PCDH15: variants seen among roughly 807,000 people sequenced by gnomAD.
The protein encoded by PCDH15 is protocadherin related 15, also known as protocadherin-15.
Under a neutral mutation model 178.5 loss-of-function variants are expected in PCDH15, and 129 were observed. The ratio of observed to expected loss-of-function variants is 0.72; its 90% CI spans 0.63 to 0.84. PCDH15 has a LOEUF of 0.84. Ranked by LOEUF, PCDH15 falls within the 40% of genes least tolerant of loss-of-function variation. PCDH15 has a pLI of 0.00. For missense variants in PCDH15, 2,230 were observed against 2,099.9 expected, an observed-to-expected ratio of 1.06 and a Z score of -1.21; for synonymous variants, 800 against 732.0, an observed-to-expected ratio of 1.09 and a Z score of -1.50.
At chr10:54,320,072 C>T (rs1015693642) in intron 7 of PCDH15, among the ~76,000 whole-genome samples, 35 of 152,006 alleles carry the variant, frequency 2.3e-4, no homozygotes, top group African/African-American at 8.0e-4. Context: ...GGAACTCACT[C>T]AGATCCCTAG....
chr10:54,960,077 A>G (rs1838603324), intron 2 of PCDH15, among the ~76,000 whole-genome samples: 5 of 152,084 alleles, frequency 3.3e-5, no homozygotes, highest in Admixed American at 3.3e-4. Context: ...TTCTTCTTTT[A>G]TTCTACTTCA....
At chr10:55,269,455 A>G (rs1490986706) in intron 1 of PCDH15, among the ~76,000 whole-genome samples, 1 of 152,156 alleles carries the variant, frequency 6.6e-6, no homozygotes, top group Non-Finnish European at 1.5e-5. Context: ...AAAGCAACAT[A>G]CAAAAATCTG....
intron 26 of PCDH15, among the ~76,000 whole-genome samples, chr10:53,893,470 C>A (rs922102235): frequency 6.6e-6 from 1 of 152,110 alleles, no homozygotes; most frequent in Non-Finnish European, 1.5e-5. Context: ...TTTAAGAAGT[C>A]ATTATATGAA....
At chr10:54,299,717 T>C (rs1218533433) in intron 8 of PCDH15, among the ~76,000 whole-genome samples, 2 of 152,084 alleles carry the variant, frequency 1.3e-5, no homozygotes, top group Non-Finnish European at 2.9e-5. Context: ...AAAGACACAA[T>C]GGGTGTTCAG....
At chr10:55,523,990 C>T (rs1160162494) in intron 2 of PCDH15, among the ~76,000 whole-genome samples, 1 of 151,474 alleles carries the variant, frequency 6.6e-6, no homozygotes, top group Non-Finnish European at 1.5e-5. Flanking sequence ...GGCCAACATA[C>T]TCTCAATTAT....
chr10:55,310,209 G>A (rs1423168663), intron 1 of PCDH15, among the ~76,000 whole-genome samples: 1 of 151,790 alleles, frequency 6.6e-6, no homozygotes, highest in African/African-American at 2.4e-5. Context: ...TTATAAGTCA[G>A]CCTTCTCCTC....
intron 1 of PCDH15, among the ~76,000 whole-genome samples, chr10:55,229,668 C>T (rs1403783414): frequency 6.6e-6 from 1 of 151,944 alleles, no homozygotes; most frequent in African/African-American, 2.4e-5. Flanking sequence ...TTTTCTTTGG[C>T]TTTAGTTTTA....
intron 2 of PCDH15, among the ~76,000 whole-genome samples, chr10:55,352,004 T>C (rs1331145373): frequency 6.6e-6 from 1 of 152,186 alleles, no homozygotes; most frequent in Non-Finnish European, 1.5e-5. Flanking sequence ...ATCAATTATG[T>C]GCATTCTCTC....
At chr10:55,392,091 C>T (rs929777983) in intron 2 of PCDH15, among the ~76,000 whole-genome samples, 4 of 152,224 alleles carry the variant, frequency 2.6e-5, no homozygotes, top group South Asian at 4.1e-4. Flanking sequence ...TTATTTATTA[C>T]GTTCAGTCTT....
chr10:54,299,934 G>A (rs2060044728), intron 8 of PCDH15, among the ~76,000 whole-genome samples: 1 of 152,112 alleles, frequency 6.6e-6, no homozygotes, highest in Non-Finnish European at 1.5e-5. Context: ...AAACTTACAA[G>A]GCTTTCAACT....
intron 29 of PCDH15, among the ~76,000 whole-genome samples, chr10:53,839,967 A>C (rs1194479701): frequency 6.6e-6 from 1 of 152,220 alleles, no homozygotes; most frequent in Non-Finnish European, 1.5e-5. Flanking sequence ...AAATCATTGC[A>C]GAAAAACTGC....
At chr10:54,065,366 C>T (rs912864559) in intron 18 of PCDH15, among the ~76,000 whole-genome samples, 4 of 152,196 alleles carry the variant, frequency 2.6e-5, no homozygotes, top group African/African-American at 9.6e-5. Context: ...TGGCTACCTT[C>T]TCTTCTTTGC....
intron 2 of PCDH15, among the ~76,000 whole-genome samples, chr10:55,461,929 T>C (rs1180285995): frequency 1.3e-5 from 2 of 152,070 alleles, no homozygotes; most frequent in Admixed American, 6.6e-5. Context: ...TATTTTACCA[T>C]AGAAACATCC....
At chr10:54,367,791 GAACT>G (rs914739166) in intron 5 of PCDH15, among the ~76,000 whole-genome samples, 10 of 151,196 alleles carry the variant, frequency 6.6e-5, no homozygotes, top group South Asian at 2.1e-4. Flanking sequence ...ATGTATCCCA[GAACT>G]AACATATATA....
chr10:53,859,538 C>T (rs541729437), intron 27 of PCDH15, among the ~76,000 whole-genome samples: 2 of 152,030 alleles, frequency 1.3e-5, no homozygotes, highest in African/African-American at 2.4e-5. Context: ...GTTACAGATC[C>T]GTACTATTAG....
At chr10:55,402,469 T>C (rs1368186280) in intron 2 of PCDH15, among the ~76,000 whole-genome samples, 2 of 151,980 alleles carry the variant, frequency 1.3e-5, no homozygotes, top group African/African-American at 2.4e-5. Context: ...ACTTATTCTT[T>C]CTGTCTAACT....
chr10:54,797,356 T>C (rs1313769188), intron 1 of PCDH15, among the ~76,000 whole-genome samples: 2 of 152,040 alleles, frequency 1.3e-5, no homozygotes, highest in Admixed American at 1.3e-4. Flanking sequence ...CTTTTGCCTC[T>C]TACATTTATA....
chr10:54,958,856 T>A (rs575448578), intron 2 of PCDH15, among the ~76,000 whole-genome samples: 1 of 151,938 alleles, frequency 6.6e-6, no homozygotes, highest in South Asian at 2.1e-4. Context: ...ATCCCCAACA[T>A]GCATATTAAA....
chr10:54,168,837 C>T (rs1190525412), intron 13 of PCDH15, among the ~76,000 whole-genome samples: 19 of 152,160 alleles, frequency 1.2e-4, no homozygotes, highest in South Asian at 4.2e-4. Flanking sequence ...AATTAAATTC[C>T]GGCCCTCAAA....
Sources: gnomAD v4.1 joint callset for allele counts (sites outside exome capture counted in the v4.1 genomes callset) on GRCh38, gnomAD v4.1.1 for gene constraint, MANE v1.5 for transcripts, NCBI Gene and HGNC (gene_info 2026-07-23, HGNC 2026-07-21) for gene names.